Variants in PTH2R observed in about 807,000 individuals in gnomAD.
The protein encoded by PTH2R is PTH2 receptor.
Under a neutral mutation model 60.3 loss-of-function variants are expected in PTH2R, and 59 were observed. That is an observed-to-expected ratio of 0.98 (90% CI 0.79 to 1.22). PTH2R has a LOEUF of 1.22. PTH2R is among the 50% of genes most tolerant of loss of function. PTH2R has a pLI of 0.00. For synonymous variants in PTH2R, 256 were observed against 243.8 expected, an observed-to-expected ratio of 1.05 and a Z score of -0.47; for missense variants, 749 against 682.6, an observed-to-expected ratio of 1.10 and a Z score of -1.08.
chr2:208,421,973 G>T (rs1298702673), intron 1 of PTH2R, among the ~76,000 whole-genome samples: 1 of 152,168 alleles, frequency 6.6e-6, no homozygotes. Context: ...CAGATTTATT[G>T]TGAGGAAGTG....
chr2:208,458,252 G>T (rs188702602), intron 8 of PTH2R, among the ~76,000 whole-genome samples: 138 of 151,180 alleles, frequency 9.1e-4, no homozygotes, highest in African/African-American at 3.0e-3. Flanking sequence ...CAATACATCA[G>T]AACACAAAAA....
intron 1 of PTH2R, among the ~76,000 whole-genome samples, chr2:208,407,712 T>A (rs1243801881): frequency 6.6e-6 from 1 of 152,238 alleles, no homozygotes; most frequent in Non-Finnish European, 1.5e-5. Flanking sequence ...TCTTTCACAA[T>A]GAAGCCTCTT....
rs966846910 is a variant in PTH2R, at chr2:208,388,139, C to CCG, written c.-259+27903_-259+27904insGC. Among the ~76,000 whole-genome samples the CCG allele has an allele frequency of 1.4e-3, 205 of 149,546 alleles. 6 individuals are homozygous for CCG. In the East Asian group the frequency reaches 0.036, roughly 26 times the overall value. Reference sequence around the variant, plus strand: ...TCTGGCTAACATGGTGAAACCCCCCCCCCCGTCTCTACTAAAAATACAAAA... The same window carrying CCG: ...TCTGGCTAACATGGTGAAACCCCCCCCGCCCCGTCTCTACTAAAAATACAAAA... On this transcript the variant is annotated intron_variant, in intron 1 of 12. Coordinates refer to the PTH2R transcript ENST00000617735.
chr2:208,420,399 A>G (rs962091568), intron 1 of PTH2R, among the ~76,000 whole-genome samples: 1 of 152,148 alleles, frequency 6.6e-6, no homozygotes, highest in Admixed American at 6.6e-5. Flanking sequence ...CATTCCCATG[A>G]GCATTGTATG....
At chr2:208,368,660 G>T (rs1214351155) in intron 1 of PTH2R, among the ~76,000 whole-genome samples, 1 of 152,114 alleles carries the variant, frequency 6.6e-6, no homozygotes, top group Admixed American at 6.5e-5. Flanking sequence ...AAGAGTTTTT[G>T]TTCCTACCAA....
At chr2:208,377,279 C>T (rs1023771399) in intron 1 of PTH2R, among the ~76,000 whole-genome samples, 1 of 152,160 alleles carries the variant, frequency 6.6e-6, no homozygotes, top group African/African-American at 2.4e-5. Context: ...TCTTTCTACA[C>T]AGACACAGCA....
intron 1 of PTH2R, among the ~76,000 whole-genome samples, chr2:208,390,371 A>G (rs1193793742): frequency 6.6e-6 from 1 of 152,170 alleles, no homozygotes; most frequent in Non-Finnish European, 1.5e-5. Context: ...TTTATGCCTG[A>G]TATGTCTTGA....
chr2:208,475,413 T>TA (rs1004938190), intron 9 of PTH2R, among the ~76,000 whole-genome samples: 3 of 152,044 alleles, frequency 2.0e-5, no homozygotes, highest in African/African-American at 4.8e-5. Flanking sequence ...TAACTGGCAT[T>TA]AAAAAAACAA....
intron 7 of PTH2R, among the ~76,000 whole-genome samples, 183 bp from the exon 8 acceptor site, chr2:208,450,566 C>G (rs1489088234): frequency 6.6e-6 from 1 of 152,120 alleles, no homozygotes; most frequent in Non-Finnish European, 1.5e-5. Context: ...AATATTCTTG[C>G]TAATTTCTCA....
chr2:208,416,506 A>G (rs1000961237), intron 1 of PTH2R, among the ~76,000 whole-genome samples: 6 of 152,208 alleles, frequency 3.9e-5, no homozygotes, highest in African/African-American at 1.4e-4. Context: ...GATAAAGCTT[A>G]CTATGATTTT....
At chr2:208,450,905 AT>A in intron 8 of PTH2R, 96 bp downstream of exon 8, 1 of 1,381,992 alleles carries the variant, frequency 7.2e-7, no homozygotes, top group Non-Finnish European at 1.0e-6. Context: ...TCTTGATGCC[AT>A]TGCTTTTTAG....
chr2:208,390,534 T>C (rs1427271629), intron 1 of PTH2R, among the ~76,000 whole-genome samples: 2 of 152,214 alleles, frequency 1.3e-5, no homozygotes, highest in African/African-American at 4.8e-5. Context: ...TTGTAGGAGC[T>C]AAAGGGTGTG....
intron 1 of PTH2R, among the ~76,000 whole-genome samples, chr2:208,394,631 C>T (rs955564547): frequency 6.6e-6 from 1 of 152,122 alleles, no homozygotes; most frequent in Non-Finnish European, 1.5e-5. Context: ...CTTGTGTGAC[C>T]TGTGTGCCTC....
At chr2:208,360,639 C>T (rs1261397707) in intron 1 of PTH2R, 4 of 152,958 alleles carry the variant, frequency 2.6e-5, no homozygotes, top group Non-Finnish European at 5.8e-5. Flanking sequence ...TAAAACAGCA[C>T]CCGGAAGCAG....
intron 9 of PTH2R, among the ~76,000 whole-genome samples, chr2:208,476,039 G>T (rs901519168): frequency 1.3e-5 from 2 of 152,080 alleles, no homozygotes; most frequent in South Asian, 4.1e-4. Context: ...CTGTCCCAAG[G>T]TATCTTAGGG....
intron 10 of PTH2R, among the ~76,000 whole-genome samples, chr2:208,486,140 G>A (rs1420247520): frequency 2.0e-5 from 3 of 152,164 alleles, no homozygotes; most frequent in East Asian, 3.9e-4. Context: ...GTGGGCCAGG[G>A]GCCCAGGGTA....
chr2:208,493,077 C>T (rs1048652296), intron 12 of PTH2R, among the ~76,000 whole-genome samples, 187 bp from the exon 13 acceptor site: 1 of 152,184 alleles, frequency 6.6e-6, no homozygotes, highest in Non-Finnish European at 1.5e-5. Flanking sequence ...TTGCTCACCT[C>T]CAAAACTAAC....
At chr2:208,460,477 T>C (rs552671235) in intron 9 of PTH2R, among the ~76,000 whole-genome samples, 4 of 152,284 alleles carry the variant, frequency 2.6e-5, no homozygotes, top group South Asian at 2.1e-4. Context: ...TTCTATCTAA[T>C]AGGTATTAGA....
chr2:208,458,158 G>A (rs1056658199), intron 8 of PTH2R, among the ~76,000 whole-genome samples: 2 of 152,102 alleles, frequency 1.3e-5, no homozygotes, highest in Admixed American at 6.6e-5. Context: ...GGGTGAGCAT[G>A]AGTAAAACTT....
Sources: gnomAD v4.1 joint callset for allele counts (sites outside exome capture counted in the v4.1 genomes callset) on GRCh38, gnomAD v4.1.1 for gene constraint, MANE v1.5 for transcripts, NCBI Gene and HGNC (gene_info 2026-07-23, HGNC 2026-07-21) for gene names.